SLC71A2: variants seen among roughly 807,000 people sequenced by gnomAD.
The protein encoded by SLC71A2 is solute carrier family 71 member 2, also known as hippocampus abundant transcript-like 1.
chr9:94,426,183 C>T, the SLC71A2 span, among the ~76,000 whole-genome samples: 6 of 150,376 alleles, frequency 4.0e-5, no homozygotes, highest in Admixed American at 2.1e-4. Flanking sequence ...AGATCTGGGG[C>T]ACCGTCCTTT....
chr9:94,436,850 A>C, the SLC71A2 span, among the ~76,000 whole-genome samples: 15 of 152,224 alleles, frequency 9.9e-5, no homozygotes, highest in Non-Finnish European at 1.8e-4. Context: ...CACCAAACGT[A>C]TTTGAAAACC....
the SLC71A2 span, chr9:94,451,574 A>T: frequency 4.0e-6 from 4 of 1,006,102 alleles, no homozygotes; most frequent in Admixed American, 9.5e-5. Context: ...AAATATCCTG[A>T]TAACCATAGT....
chr9:94,402,004 A>G, the SLC71A2 span, among the ~76,000 whole-genome samples: 1 of 152,170 alleles, frequency 6.6e-6, no homozygotes, highest in Admixed American at 6.5e-5. Flanking sequence ...GTAAACTGTC[A>G]TGGCACTGGT....
At chr9:94,417,092 C>T in the SLC71A2 span, among the ~76,000 whole-genome samples, 12 of 151,954 alleles carry the variant, frequency 7.9e-5, no homozygotes, top group African/African-American at 2.7e-4. Context: ...GGGATATAGT[C>T]GGTGCTTAAT....
the SLC71A2 span, among the ~76,000 whole-genome samples, chr9:94,389,271 G>T: frequency 2.1e-5 from 3 of 144,102 alleles, no homozygotes; most frequent in Admixed American, 7.0e-5. Flanking sequence ...CTTAATTCTG[G>T]TTTTTTTTTT....
chr9:94,448,562 A>G, the SLC71A2 span, among the ~76,000 whole-genome samples: 1 of 152,216 alleles, frequency 6.6e-6, no homozygotes, highest in African/African-American at 2.4e-5. Flanking sequence ...AAGTGTATTA[A>G]ATTCTTCATT....
chr9:94,409,156 T>C, the SLC71A2 span, among the ~76,000 whole-genome samples: 1 of 123,434 alleles, frequency 8.1e-6, no homozygotes, highest in Non-Finnish European at 1.7e-5. Context: ...TTTTTTTTTT[T>C]AAGGCAAGGT....
the SLC71A2 span, chr9:94,429,068 G>C: frequency 2.1e-6 from 3 of 1,409,414 alleles, no homozygotes; most frequent in Non-Finnish European, 2.9e-6. Context: ...TTTGAATTTT[G>C]TTGATATTTT....
chr9:94,415,604 A>G, the SLC71A2 span, among the ~76,000 whole-genome samples: 1 of 152,150 alleles, frequency 6.6e-6, no homozygotes, highest in Admixed American at 6.6e-5. Context: ...ATGTTTCCAC[A>G]GAATTGGGTT....
chr9:94,459,458 T>C, the SLC71A2 span: 11 of 1,604,694 alleles, frequency 6.9e-6, no homozygotes, highest in Admixed American at 1.7e-4. Flanking sequence ...CTGAGAGCCA[T>C]GGAGGGAGCC....
At chr9:94,385,783 T>C in the SLC71A2 span, among the ~76,000 whole-genome samples, 1 of 151,976 alleles carries the variant, frequency 6.6e-6, no homozygotes, top group East Asian at 1.9e-4. Context: ...AAGTGTGTGT[T>C]TTCCAATTTT....
At chr9:94,401,708 C>T in the SLC71A2 span, among the ~76,000 whole-genome samples, 1 of 151,880 alleles carries the variant, frequency 6.6e-6, no homozygotes, top group Non-Finnish European at 1.5e-5. Flanking sequence ...AAGATGGCTG[C>T]CATAGTTCAG....
chr9:94,417,885 C>G, the SLC71A2 span, among the ~76,000 whole-genome samples: 1 of 106,634 alleles, frequency 9.4e-6, no homozygotes, highest in African/African-American at 3.6e-5. Flanking sequence ...CCGACAGAGT[C>G]TTGCTCTGTC....
chr9:94,440,924 A>G, the SLC71A2 span: 3 of 947,092 alleles, frequency 3.2e-6, no homozygotes, highest in Non-Finnish European at 3.3e-6. Flanking sequence ...TCTTTGGCTC[A>G]GGTAATGAAA....
the SLC71A2 span, among the ~76,000 whole-genome samples, chr9:94,438,713 G>A: frequency 6.6e-6 from 1 of 152,190 alleles, no homozygotes; most frequent in Admixed American, 6.5e-5. Flanking sequence ...AAATGGGGTA[G>A]TGAAGACATT....
the SLC71A2 span, chr9:94,438,490 T>C: frequency 1.7e-5 from 27 of 1,613,668 alleles, no homozygotes; most frequent in Non-Finnish European, 2.2e-5. Context: ...CTGTATTCTT[T>C]ACCTGCTTCC....
At chr9:94,434,318 G>A in the SLC71A2 span, among the ~76,000 whole-genome samples, 1 of 152,048 alleles carries the variant, frequency 6.6e-6, no homozygotes, top group African/African-American at 2.4e-5. Context: ...TTCAAGACTT[G>A]TCTTTTTTAT....
At chr9:94,409,129 CTTTTTT>C in the SLC71A2 span, among the ~76,000 whole-genome samples, 11 of 68,238 alleles carry the variant, frequency 1.6e-4, no homozygotes, top group Admixed American at 4.8e-4. Context: ...GCCCGGCCTC[CTTTTTT>C]TTTTTTTTTT....
the SLC71A2 span, chr9:94,459,273 A>G: frequency 1.2e-6 from 2 of 1,614,056 alleles, no homozygotes; most frequent in African/African-American, 1.3e-5. Flanking sequence ...GTTCAAAAAC[A>G]CAGTAACAGC....
Sources: gnomAD v4.1 joint callset for allele counts (sites outside exome capture counted in the v4.1 genomes callset) on GRCh38, gnomAD v4.1.1 for gene constraint, MANE v1.5 for transcripts, NCBI Gene and HGNC (gene_info 2026-07-23, HGNC 2026-07-21) for gene names.